SLC29A4: variants seen among roughly 807,000 people sequenced by gnomAD.
SLC29A4 encodes the protein equilibrative nucleoside transporter 4.
Under a neutral mutation model 43.9 loss-of-function variants are expected in SLC29A4, and 36 were observed. The ratio of observed to expected loss-of-function variants is 0.82; its 90% CI spans 0.63 to 1.08. SLC29A4 has a LOEUF of 1.08. Ranked by LOEUF, SLC29A4 falls within the 50% of genes least tolerant of loss-of-function variation. The pLI is 0.00. For missense variants in SLC29A4, 869 were observed against 755.3 expected (o/e 1.15, Z -1.77); for synonymous variants, 491 against 338.0 (o/e 1.45, Z -4.97).
chr7:5,295,063 C>A (rs983211783), intron 6 of SLC29A4, 129 bp downstream of exon 6: 1 of 806,292 alleles, frequency 1.2e-6, no homozygotes. Context: ...GCAGACTGAG[C>A]TAGGGACAGT....
At position 5,283,011 on chromosome 7, in the gene SLC29A4, G is replaced by T. The variant is rs1230347979; in HGVS notation, c.-80G>T. On this transcript the variant is annotated 5_prime_UTR_variant, in exon 1 of 11. Transcript: ENST00000396872. ...GGGACCGGCGGAGGACGCCGGGCGC[G>T]CCCGGCCCGAGGCTGGGGGAGCGGG... 2.2e-5 allele frequency: 3 copies of T among 134,814 alleles called. No individual in the cohort carries two copies. The highest frequency in any genetic ancestry group is 3.3e-5 in the Non-Finnish European group (2 of 61,330). The allele number at this position is 134,814 out of a possible 1,614,324, so 8.4% of individuals were successfully genotyped here.
At position 5,297,015 on chromosome 7, in the gene SLC29A4, C is replaced by A. The variant is rs766067530; in HGVS notation, c.699C>A (p.Ile233=). The A allele has an allele frequency of 1.2e-6, 2 of 1,605,882 alleles. No individual in the cohort carries two copies. Among genetic ancestry groups the A allele is most frequent in the East Asian group, 2.2e-5 (1 of 44,878 alleles). Residue 233 remains isoleucine, a synonymous_variant, in exon 7 of 11, where the codon ATC becomes ATA. Coordinates refer to ENST00000396872, the MANE Select transcript of SLC29A4 (RefSeq NM_153247.4). ...CCGACGAGCGCGCCAGCACGCTCAT[C>A]TTCTTCCTGGTGTCGGTGGCGCTGG... is the stretch of plus-strand genomic sequence containing the variant. ...LLPDERASTL[I]FFLVSVALEL... is the part of the protein sequence containing the mutation.
chr7:5,289,531 G>T lies in SLC29A4; in HGVS notation c.170-1201G>T, dbSNP rs529564090. On this transcript the variant is annotated intron_variant, in intron 2 of 10. Transcript: ENST00000396872. ...CTCTGAGCTCCAGGAAGTCCCCAAGGTCTCACCTGATTAGGTCAGACCCAC... is the reference window on the plus strand; with the variant it reads ...CTCTGAGCTCCAGGAAGTCCCCAAGTTCTCACCTGATTAGGTCAGACCCAC... 6.6e-5 allele frequency among the ~76,000 whole-genome samples: 10 copies of T among 152,218 alleles called. No homozygotes were observed. The South Asian group carries it at 2.1e-3, about 32-fold the overall frequency.
intron 2 of SLC29A4, 114 bp from the exon 3 acceptor site, chr7:5,290,618 C>T (rs376890208): frequency 1.2e-4 from 161 of 1,377,956 alleles, no homozygotes; most frequent in South Asian, 1.1e-3. Flanking sequence ...GCAGGGGTCA[C>T]GGTGATGGAC....
chr7:5,286,860 G>C (rs1287039732), intron 1 of SLC29A4, among the ~76,000 whole-genome samples: 2 of 152,230 alleles, frequency 1.3e-5, no homozygotes, highest in African/African-American at 4.8e-5. Context: ...AAAAATGAGT[G>C]ATAAAGGCAG....
Position 5,298,355 on chromosome 7 carries a change from TG to T in SLC29A4, c.883-630del, listed in dbSNP as rs1785863200. On this transcript the variant is annotated intron_variant, in intron 7 of 10. Transcript: ENST00000396872. ...GGGGCAGAGGGAAAAGCGTGTGCGGTGGGTCAGAGGCTGGGAGGAGCTCCGT... is the reference window on the plus strand; with the variant it reads ...GGGGCAGAGGGAAAAGCGTGTGCGGTGGTCAGAGGCTGGGAGGAGCTCCGT... Among the ~76,000 whole-genome samples, 3 of 151,672 alleles carry T rather than the reference TG, an allele frequency of 2.0e-5. No individual in the cohort carries two copies. In the South Asian group the frequency reaches 6.3e-4, roughly 32 times the overall value.
Position 5,304,169 on chromosome 7 carries a change from C to G in SLC29A4, c.*1230C>G, listed in dbSNP as rs62441152. ...ATAAGCCGGTCCTCAGTCTTCCCAT[C>G]TGTGAGGTGGGCCGGGTGGATCAGG... On this transcript the variant is annotated 3_prime_UTR_variant, in exon 11 of 11. Transcript: ENST00000396872. The G allele has an allele frequency of 2.0e-5, 3 of 152,424 alleles. No homozygotes were observed. Among genetic ancestry groups the G allele is most frequent in the African/African-American group, 7.2e-5 (3 of 41,456 alleles). The allele number at this position is 152,424 out of a possible 1,614,324, so 9.4% of individuals were successfully genotyped here.
intron 1 of SLC29A4, among the ~76,000 whole-genome samples, chr7:5,286,221 A>G (rs1210104570): frequency 1.3e-5 from 2 of 152,044 alleles, no homozygotes; most frequent in African/African-American, 4.8e-5. Flanking sequence ...AAATGAATAC[A>G]CGTTATTAGA....
chr7:5,292,550 A>G (rs1215134233), intron 5 of SLC29A4, among the ~76,000 whole-genome samples: 1 of 151,890 alleles, frequency 6.6e-6, no homozygotes, highest in East Asian at 1.9e-4. Context: ...CTGTACTTAA[A>G]TTTCTCCCTA....
chr7:5,295,669 G>T (rs1785599916), intron 6 of SLC29A4, among the ~76,000 whole-genome samples: 1 of 152,166 alleles, frequency 6.6e-6, no homozygotes, highest in Admixed American at 6.5e-5. Flanking sequence ...CGGAAGCCCA[G>T]GTCAAGACCC....
intron 2 of SLC29A4, among the ~76,000 whole-genome samples, chr7:5,289,912 G>C (rs1255708315): frequency 6.6e-6 from 1 of 152,130 alleles, no homozygotes; most frequent in Non-Finnish European, 1.5e-5. Flanking sequence ...TTTGAAAACA[G>C]TCTCGTGCTC....
At chr7:5,299,770 G>GC (rs1318018109) in intron 9 of SLC29A4, among the ~76,000 whole-genome samples, 1 of 152,234 alleles carries the variant, frequency 6.6e-6, no homozygotes, top group Non-Finnish European at 1.5e-5. Context: ...CAAAGAAATG[G>GC]CCAGGTGCAG....
Position 5,288,010 on chromosome 7 carries a change from C to G in SLC29A4, c.169+25C>G, listed in dbSNP as rs372823906. The G allele has an allele frequency of 1.9e-6, 3 of 1,588,722 alleles. No individual in the cohort carries two copies. The East Asian group carries it at 6.8e-5, about 36-fold the overall frequency. On this transcript the variant is annotated intron_variant, in intron 2 of 10. Transcript: ENST00000396872. ...AGTAAGTAGGCGTGCGGGCAAGGTG[C>G]GGGTCTTGCCCCAAAGCAGGCTGGG...
intron 6 of SLC29A4, 151 bp from the exon 7 acceptor site, chr7:5,296,785 G>A: frequency 1.1e-6 from 1 of 873,196 alleles, no homozygotes; most frequent in African/African-American, 2.0e-5. Context: ...AGGGCCTGTG[G>A]TGGAGGGCGG....
At chr7:5,297,821 T>TGGCCCCTGGCTCTGC (rs1184503887) in intron 7 of SLC29A4, among the ~76,000 whole-genome samples, 2 of 152,238 alleles carry the variant, frequency 1.3e-5, no homozygotes, top group African/African-American at 4.8e-5. Context: ...CTTGGTTCTG[T>TGGCCCCTGGCTCTGC]GGCCCCTGGC....
At chr7:5,289,096 G>A (rs1458480321) in intron 2 of SLC29A4, among the ~76,000 whole-genome samples, 1 of 152,114 alleles carries the variant, frequency 6.6e-6, no homozygotes, top group Non-Finnish European at 1.5e-5. Context: ...AGTACTTTAG[G>A]CTCAGAAACC....
intron 10 of SLC29A4, among the ~76,000 whole-genome samples, chr7:5,301,596 G>A (rs1786169088): frequency 6.6e-6 from 1 of 152,358 alleles, no homozygotes; most frequent in East Asian, 1.9e-4. Flanking sequence ...CCCTCCAGCT[G>A]CCGTGGGCAT....
chr7:5,300,927 C>T (rs181210820), intron 10 of SLC29A4, among the ~76,000 whole-genome samples: 34 of 152,316 alleles, frequency 2.2e-4, no homozygotes, highest in African/African-American at 7.5e-4. Flanking sequence ...GGCGACAAAA[C>T]GGCGCTCCCC....
At chr7:5,296,246 C>T (rs536499782) in intron 6 of SLC29A4, among the ~76,000 whole-genome samples, 2 of 151,962 alleles carry the variant, frequency 1.3e-5, no homozygotes, top group Admixed American at 6.6e-5. Context: ...TCCTTTCTGC[C>T]CCCTGCCTGA....
Sources: allele counts gnomAD v4.1 joint callset (sites outside exome capture counted in the v4.1 genomes callset), GRCh38; gene constraint gnomAD v4.1.1; transcripts MANE v1.5; gene names NCBI Gene and HGNC (gene_info 2026-07-23, HGNC 2026-07-21).